The following FOXJ3 variants were observed in gnomAD, a reference collection of about 807,000 sequenced individuals.
FOXJ3 encodes the protein forkhead box protein J3.
In FOXJ3, 22 loss-of-function variants were observed where a neutral mutation model predicts 76.1. The ratio of observed to expected loss-of-function variants is 0.29; its 90% CI spans 0.21 to 0.41. The LOEUF (loss-of-function observed/expected upper bound fraction) is 0.41, where lower values mean the gene tolerates loss of function less well. FOXJ3 is among the 10% of genes least tolerant of loss of function. The probability of loss-of-function intolerance (pLI) is 1.00; values close to 1 mark genes in which losing one functional copy is unlikely to be tolerated. For synonymous variants in FOXJ3, 269 were observed against 261.2 expected (o/e 1.03, Z -0.29); for missense variants, 613 against 762.1 (o/e 0.80, Z 2.30).
intron 2 of FOXJ3, among the ~76,000 whole-genome samples, chr1:42,290,041 A>G (rs572111414): frequency 1.3e-5 from 2 of 152,290 alleles, no homozygotes; most frequent in South Asian, 4.1e-4. Flanking sequence ...ATGGTAGAAT[A>G]TGAGTAGTTG....
chr1:42,243,077 T>G (rs1047859966), intron 4 of FOXJ3, among the ~76,000 whole-genome samples: 1 of 152,202 alleles, frequency 6.6e-6, no homozygotes, highest in Non-Finnish European at 1.5e-5. Flanking sequence ...TAAAAAATAC[T>G]GTTCCCAGGA....
chr1:42,332,168 C>T (rs1656202512), intron 1 of FOXJ3, among the ~76,000 whole-genome samples: 1 of 152,166 alleles, frequency 6.6e-6, no homozygotes, highest in African/African-American at 2.4e-5. Context: ...TCTGGTTCTT[C>T]TCAGAATGCT....
intron 2 of FOXJ3, among the ~76,000 whole-genome samples, chr1:42,306,597 C>T (rs930102809): frequency 8.6e-5 from 13 of 151,948 alleles, no homozygotes; most frequent in African/African-American, 3.1e-4. Context: ...CCACGGTGCC[C>T]GGTCCCACTC....
At chr1:42,237,405 C>CATATATATATATATATATATAT (rs60560055) in intron 4 of FOXJ3, among the ~76,000 whole-genome samples, 44 of 140,750 alleles carry the variant, frequency 3.1e-4, no homozygotes, top group Non-Finnish European at 6.2e-4. Context: ...TACATACATA[C>CATATATATATATATATATATAT]ATATATATAT....
intron 4 of FOXJ3, among the ~76,000 whole-genome samples, chr1:42,261,682 C>T (rs186876015): frequency 1.8e-4 from 28 of 152,290 alleles, no homozygotes; most frequent in Admixed American, 1.2e-3. Context: ...AGATGCTATA[C>T]GAGCTACTTC....
Position 42,269,065 on chromosome 1 carries a change from C to T in FOXJ3, c.370-3876G>A, listed in dbSNP as rs114088026. On this transcript the variant is annotated intron_variant, in intron 3 of 12. Transcript: ENST00000361346. ...ATAAACATTTGTTGTTTGTAAGCCC[C>T]CCACTCTAGGTTTTTGGTTTTCTTT... 3.1e-3 allele frequency among the ~76,000 whole-genome samples: 468 copies of T among 152,194 alleles called. 4 individuals carry two copies. Among genetic ancestry groups the T allele is most frequent in the African/African-American group, 0.01 (434 of 41,516 alleles).
At chr1:42,210,748 C>G (rs1416908987) in intron 5 of FOXJ3, among the ~76,000 whole-genome samples, 2 of 152,132 alleles carry the variant, frequency 1.3e-5, no homozygotes. Flanking sequence ...CCCTTCCCAC[C>G]CCCATCAGAG....
intron 4 of FOXJ3, among the ~76,000 whole-genome samples, chr1:42,231,575 G>A (rs564836672): frequency 5.3e-5 from 8 of 152,292 alleles, no homozygotes; most frequent in African/African-American, 1.7e-4. Flanking sequence ...ACAAGAATGT[G>A]AATGAACTTA....
At chr1:42,324,491 T>C (rs187667917) in intron 1 of FOXJ3, among the ~76,000 whole-genome samples, 45 of 151,838 alleles carry the variant, frequency 3.0e-4, no homozygotes, top group African/African-American at 1.1e-3. Context: ...CGCAACATCC[T>C]TTATTAGTAC....
intron 4 of FOXJ3, among the ~76,000 whole-genome samples, chr1:42,247,555 C>T (rs1245834758): frequency 6.6e-6 from 1 of 152,058 alleles, no homozygotes; most frequent in Non-Finnish European, 1.5e-5. Flanking sequence ...GCCATTAATC[C>T]AATGAAAATC....
At chr1:42,327,024 A>C (rs1320348916) in intron 1 of FOXJ3, among the ~76,000 whole-genome samples, 1 of 152,222 alleles carries the variant, frequency 6.6e-6, no homozygotes, top group Admixed American at 6.5e-5. Flanking sequence ...AACACATATC[A>C]CTATTAACAC....
intron 2 of FOXJ3, among the ~76,000 whole-genome samples, chr1:42,287,667 A>T (rs1653146287): frequency 6.6e-6 from 1 of 152,138 alleles, no homozygotes; most frequent in Admixed American, 6.6e-5. Context: ...CCTTCCTTAG[A>T]ATTCCATTTA....
rs140640510 is a variant in FOXJ3, at chr1:42,257,046, C to T, written c.444+8069G>A. On this transcript the variant is annotated intron_variant, in intron 4 of 12. Coordinates refer to ENST00000361346, the MANE Select transcript of FOXJ3 (RefSeq NM_014947.5). ...GCACTCAAGGATCACTATCTAAAAC[C>T]GGGGCTTGACCACAGGCTTATTTTG... Among the ~76,000 whole-genome samples the T allele has an allele frequency of 2.6e-5, 4 of 152,204 alleles. 1 individual carries two copies. Among genetic ancestry groups the T allele is most frequent in the African/African-American group, 9.6e-5 (4 of 41,518 alleles).
intron 4 of FOXJ3, among the ~76,000 whole-genome samples, chr1:42,244,602 G>GT (rs1649395398): frequency 2.6e-5 from 4 of 151,842 alleles, no homozygotes; most frequent in Admixed American, 2.6e-4. Flanking sequence ...CTAAAAGTTG[G>GT]TTTTTTGAAA....
At chr1:42,285,827 T>A (rs942518586) in intron 2 of FOXJ3, among the ~76,000 whole-genome samples, 4 of 152,252 alleles carry the variant, frequency 2.6e-5, no homozygotes, top group African/African-American at 7.2e-5. Flanking sequence ...TATCCTCTTT[T>A]CTGAATAACA....
At chr1:42,230,996 T>C (rs1219966330) in intron 4 of FOXJ3, among the ~76,000 whole-genome samples, 1 of 152,042 alleles carries the variant, frequency 6.6e-6, no homozygotes, top group Non-Finnish European at 1.5e-5. Flanking sequence ...ATACATACAA[T>C]GGAGTATTAC....
intron 1 of FOXJ3, among the ~76,000 whole-genome samples, chr1:42,332,699 C>G (rs373275763): frequency 6.6e-6 from 1 of 152,306 alleles, no homozygotes; most frequent in East Asian, 1.9e-4. Context: ...TACCCCCTCA[C>G]CAATCCTAAA....
intron 4 of FOXJ3, among the ~76,000 whole-genome samples, chr1:42,263,159 C>T (rs1651190554): frequency 6.6e-6 from 1 of 152,038 alleles, no homozygotes; most frequent in Non-Finnish European, 1.5e-5. Flanking sequence ...ATCTGTCTTA[C>T]CCCATATATT....
At chr1:42,290,058 G>A (rs895360472) in intron 2 of FOXJ3, among the ~76,000 whole-genome samples, 27 of 152,106 alleles carry the variant, frequency 1.8e-4, no homozygotes, top group African/African-American at 6.3e-4. Flanking sequence ...GTTGCATCAA[G>A]AAAAGGCTAT....
Sources: gnomAD v4.1 joint callset for allele counts (sites outside exome capture counted in the v4.1 genomes callset) on GRCh38, gnomAD v4.1.1 for gene constraint, MANE v1.5 for transcripts, NCBI Gene and HGNC (gene_info 2026-07-23, HGNC 2026-07-21) for gene names.